CEP350: variants seen among roughly 807,000 people sequenced by gnomAD.
The protein encoded by CEP350 is centrosomal protein 350.
In CEP350, 126 loss-of-function variants were observed where a neutral mutation model predicts 331.8. The observed-to-expected ratio is 0.38, with a 90% CI of 0.33 to 0.44. The LOEUF (loss-of-function observed/expected upper bound fraction) is 0.44, where lower values mean the gene tolerates loss of function less well. Among genes scored for constraint, CEP350 ranks in the 20% least tolerant of loss-of-function variants. The probability of loss-of-function intolerance (pLI) is 1.00; values close to 1 mark genes in which losing one functional copy is unlikely to be tolerated. For synonymous variants in CEP350, 1,200 were observed against 1,259.5 expected (o/e 0.95, Z 1.00); for missense variants, 3,406 against 3,634.6 (o/e 0.94, Z 1.62).
At chr1:180,071,383 C>T (rs546783536) in intron 27 of CEP350, among the ~76,000 whole-genome samples, 59 of 148,466 alleles carry the variant, frequency 4.0e-4, no homozygotes, top group African/African-American at 1.4e-3. Context: ...CTCTTGAACC[C>T]GGGAGACGGA....
At chr1:180,080,836 G>A (rs950865573) in intron 30 of CEP350, among the ~76,000 whole-genome samples, 175 bp downstream of exon 30, 5 of 151,834 alleles carry the variant, frequency 3.3e-5, no homozygotes, top group African/African-American at 1.2e-4. Flanking sequence ...TGAATATATC[G>A]AGTTAGGCAT....
chr1:180,006,931 A>G (rs894224321), intron 8 of CEP350, among the ~76,000 whole-genome samples: 4 of 152,312 alleles, frequency 2.6e-5, no homozygotes, highest in African/African-American at 9.6e-5. Flanking sequence ...CCTGCAAAGG[A>G]CATGAACTCA....
chr1:179,997,523 G>A (rs1001251524), intron 6 of CEP350, among the ~76,000 whole-genome samples: 6 of 144,016 alleles, frequency 4.2e-5, no homozygotes, highest in African/African-American at 1.3e-4. Context: ...AGCATGGGGC[G>A]ACAGAGTGAG....
intron 8 of CEP350, among the ~76,000 whole-genome samples, chr1:180,010,049 T>C (rs753539553): frequency 6.6e-6 from 1 of 152,134 alleles, no homozygotes; most frequent in Non-Finnish European, 1.5e-5. Context: ...TTTGTATGTT[T>C]CCTTACATTC....
intron 1 of CEP350, among the ~76,000 whole-genome samples, chr1:179,971,031 TG>T (rs1418312612): frequency 6.1e-5 from 9 of 146,816 alleles, no homozygotes; most frequent in South Asian, 2.2e-4. Context: ...TGTTGTTGTT[TG>T]TTTTTTTTTT....
chr1:180,060,075 ACTTT>A (rs1193795601), intron 25 of CEP350, among the ~76,000 whole-genome samples: 3 of 152,208 alleles, frequency 2.0e-5, no homozygotes, highest in Non-Finnish European at 4.4e-5. Context: ...AAATATAGTT[ACTTT>A]CTTTAAAATG....
At chr1:180,004,872 T>G (rs1654108082) in intron 7 of CEP350, among the ~76,000 whole-genome samples, 1 of 66,988 alleles carries the variant, frequency 1.5e-5, no homozygotes, top group Non-Finnish European at 3.1e-5. Flanking sequence ...GCAGGCTGGC[T>G]GGCTTGCTTG....
rs148904371 is a variant in CEP350 at position 180,039,086 on chromosome 1, G to A, written c.4110+1997G>A. 5.3e-3 allele frequency among the ~76,000 whole-genome samples: 690 copies of A among 131,348 alleles called. 8 individuals are homozygous for A. Among genetic ancestry groups the A allele is most frequent in the African/African-American group, 0.018 (652 of 35,790 alleles). 86.2% of individuals were successfully genotyped at this position (131,348 alleles called of 152,430 possible). ...ACAAAAATTAGCCATCCACCGTGGC[G>A]TATGCCTGTAGTCCCAGCTACTTGC... On this transcript the variant is annotated intron_variant, in intron 17 of 37. Transcript: ENST00000367607.
intron 2 of CEP350, 95 bp from the exon 3 acceptor site, chr1:179,987,145 T>G: frequency 2.9e-6 from 2 of 684,196 alleles, no homozygotes; most frequent in Non-Finnish European, 2.5e-6. Context: ...TTTCAGACTT[T>G]TGAGTGCATT....
chr1:180,109,883 C>T (rs1232198340), intron 37 of CEP350, among the ~76,000 whole-genome samples: 3 of 151,920 alleles, frequency 2.0e-5, no homozygotes, highest in African/African-American at 7.3e-5. Context: ...GATCCACCCG[C>T]CTAGGCCTCC....
chr1:179,984,392 A>C (rs1245933769), intron 1 of CEP350, among the ~76,000 whole-genome samples: 1 of 152,216 alleles, frequency 6.6e-6, no homozygotes, highest in Non-Finnish European at 1.5e-5. Flanking sequence ...AGTCCTGTGA[A>C]GATTTGACTT....
chr1:180,004,873 G>GGCTTGCTTGCTTGCTTGCTTGCTTGCTT (rs142057657), intron 7 of CEP350, among the ~76,000 whole-genome samples: 18 of 100,516 alleles, frequency 1.8e-4, no homozygotes, highest in African/African-American at 6.0e-4. Flanking sequence ...CAGGCTGGCT[G>GGCTTGCTTGCTTGCTTGCTTGCTTGCTT]GCTTGCTTGC....
intron 10 of CEP350, among the ~76,000 whole-genome samples, chr1:180,015,210 G>GCTTA (rs1654893195): frequency 7.0e-6 from 1 of 143,480 alleles, no homozygotes; most frequent in Non-Finnish European, 1.5e-5. Context: ...CTAGGAAATT[G>GCTTA]TTTATTTATT....
chr1:180,109,563 G>A (rs1661525836), intron 37 of CEP350, among the ~76,000 whole-genome samples: 1 of 152,020 alleles, frequency 6.6e-6, no homozygotes, highest in African/African-American at 2.4e-5. Flanking sequence ...TTGAGATCAG[G>A]GTTCACTTCC....
At chr1:180,035,547 T>C (rs1421590152) in intron 16 of CEP350, among the ~76,000 whole-genome samples, 2 of 152,178 alleles carry the variant, frequency 1.3e-5, no homozygotes, top group Admixed American at 1.3e-4. Context: ...TCCTAAAGAA[T>C]TAAGCTAAAT....
intron 37 of CEP350, among the ~76,000 whole-genome samples, chr1:180,105,949 C>T (rs1661117683): frequency 1.3e-5 from 2 of 152,196 alleles, no homozygotes; most frequent in Non-Finnish European, 2.9e-5. Flanking sequence ...ATAAAGGCCT[C>T]TGTTAGCCAA....
At chr1:180,037,196 T>G (rs1337723001) in intron 17 of CEP350, 107 bp downstream of exon 17, 2 of 970,788 alleles carry the variant, frequency 2.1e-6, no homozygotes, top group East Asian at 5.8e-5. Flanking sequence ...AAAAATAGTC[T>G]GCCATATAGC....
Position 180,041,715 on chromosome 1 carries a change from A to G in CEP350, c.4275A>G (p.Glu1425=), listed in dbSNP as rs761006222. 1.9e-6 allele frequency: 3 copies of G among 1,613,620 alleles called. No individual in the cohort carries two copies. The highest frequency in any genetic ancestry group is 2.2e-5 in the South Asian group (2 of 91,030). Reference sequence around the variant, plus strand: ...TTCAATCACAACGGGAAGTAACTGAAGTCCTGCAGGAAGCAACGTGTAAAA... The same window carrying G: ...TTCAATCACAACGGGAAGTAACTGAGGTCCTGCAGGAAGCAACGTGTAAAA... ...QVVQSQREVT[E]VLQEATCKIA... is the part of the protein sequence containing the mutation. Residue 1425 remains glutamate, a synonymous_variant, in exon 19 of 38, where the codon GAA becomes GAG. Coordinates refer to ENST00000367607, the MANE Select transcript of CEP350 (RefSeq NM_014810.5).
At position 180,078,652 on chromosome 1, in the gene CEP350, C is replaced by A. The variant is rs573892249; in HGVS notation, c.5957C>A (p.Ser1986Tyr). 100 of 1,608,074 alleles carry A rather than the reference C, an allele frequency of 6.2e-5. No individual in the cohort carries two copies. The Middle Eastern group carries it at 6.8e-4, about 11-fold the overall frequency. The change falls in exon 29 of 38, where the codon TCT becomes TAT. Residue 1986 changes from serine to tyrosine, a missense_variant. Transcript: ENST00000367607. ...ATGATTTGTTCACAGGAACTAGAAT[C>A]TTCTACCTCTCCTAGTAAACATGTA... Reference protein sequence around the residue: ...EEMICSQELESSTSPSKHSLP... With the variant: ...EEMICSQELEYSTSPSKHSLP...
Sources: allele counts gnomAD v4.1 joint callset (sites outside exome capture counted in the v4.1 genomes callset), GRCh38; gene constraint gnomAD v4.1.1; transcripts MANE v1.5; gene names NCBI Gene and HGNC (gene_info 2026-07-23, HGNC 2026-07-21).